SCHIP1: variants seen among roughly 807,000 people sequenced by gnomAD.
SCHIP1 encodes the protein schwannomin-interacting protein 1.
In SCHIP1, 8 loss-of-function variants were observed where a neutral mutation model predicts 29.7. That is an observed-to-expected ratio of 0.27 (90% CI 0.16 to 0.49). The LOEUF is 0.49. Ranked by LOEUF, SCHIP1 falls within the 20% of genes least tolerant of loss-of-function variation. SCHIP1 has a pLI of 0.99. For synonymous variants in SCHIP1, 76 were observed against 94.9 expected, an observed-to-expected ratio of 0.80 and a Z score of 1.16; for missense variants, 193 against 294.6, an observed-to-expected ratio of 0.66 and a Z score of 2.52.
chr3:159,422,109 G>C, the SCHIP1 span, among the ~76,000 whole-genome samples: 4 of 152,288 alleles, frequency 2.6e-5, no homozygotes, highest in Non-Finnish European at 4.4e-5. Flanking sequence ...TCCTCTGTAA[G>C]GGAAAACATT....
At chr3:159,378,987 A>G in the SCHIP1 span, among the ~76,000 whole-genome samples, 1,358 of 152,320 alleles carry the variant, frequency 8.9e-3, 17 homozygotes, top group African/African-American at 0.031. Flanking sequence ...GCCAGTGGAC[A>G]ATGGAGGCTT....
chr3:159,670,499 A>G, the SCHIP1 span, among the ~76,000 whole-genome samples: 1 of 152,234 alleles, frequency 6.6e-6, no homozygotes, highest in African/African-American at 2.4e-5. Flanking sequence ...CCGAAATTCA[A>G]TCTGAGGGTA....
chr3:159,498,242 T>A, the SCHIP1 span, among the ~76,000 whole-genome samples: 8 of 152,318 alleles, frequency 5.3e-5, no homozygotes, highest in South Asian at 4.1e-4. Flanking sequence ...TTTATATAAT[T>A]ACTTCAGAAC....
At chr3:159,445,509 C>T in the SCHIP1 span, among the ~76,000 whole-genome samples, 1 of 151,876 alleles carries the variant, frequency 6.6e-6, no homozygotes, top group Non-Finnish European at 1.5e-5. Context: ...CCATTTGACC[C>T]AGCCATCCCA....
the SCHIP1 span, among the ~76,000 whole-genome samples, chr3:159,614,426 G>A: frequency 6.6e-6 from 1 of 152,076 alleles, no homozygotes; most frequent in African/African-American, 2.4e-5. Context: ...AGAATTCAGT[G>A]TACCTTAAGA....
chr3:159,861,179 G>A lies in SCHIP1; in HGVS notation c.31-4984G>A, dbSNP rs1044095529. Among the ~76,000 whole-genome samples the A allele has an allele frequency of 1.3e-5, 2 of 152,138 alleles. No individual in the cohort carries two copies. The highest frequency in any genetic ancestry group is 2.9e-5 in the Non-Finnish European group (2 of 68,028). On this transcript the variant is annotated intron_variant, in intron 1 of 6. Coordinates refer to ENST00000445224, the Ensembl canonical transcript of SCHIP1. The surrounding 1 kb of genome is among the most constrained non-coding windows in gnomAD (Gnocchi z 4.1). The stretch of plus-strand genomic sequence containing the variant: ...CATGCTGAAGGCTTCTTGCTTCAGA[G>A]ACACCACAATGCTGCTAGTAAGGTG...
chr3:159,429,380 G>T, the SCHIP1 span, among the ~76,000 whole-genome samples: 2 of 151,998 alleles, frequency 1.3e-5, no homozygotes, highest in South Asian at 4.2e-4. Context: ...GATGAGGTGG[G>T]GGTAAATCTT....
At chr3:159,663,009 ATGTGTG>A in the SCHIP1 span, among the ~76,000 whole-genome samples, 1 of 152,072 alleles carries the variant, frequency 6.6e-6, no homozygotes, top group Non-Finnish European at 1.5e-5. Flanking sequence ...GTTCTGGGGG[ATGTGTG>A]TCTTGGGTAG....
the SCHIP1 span, among the ~76,000 whole-genome samples, chr3:159,335,159 C>A: frequency 6.6e-6 from 1 of 152,018 alleles, no homozygotes; most frequent in African/African-American, 2.4e-5. Flanking sequence ...CCTGGCCTCC[C>A]AAATGTTTTC....
chr3:159,451,713 G>C, the SCHIP1 span, among the ~76,000 whole-genome samples: 1 of 152,142 alleles, frequency 6.6e-6, no homozygotes, highest in Non-Finnish European at 1.5e-5. Context: ...AAATATAACT[G>C]TCTCTGCCCT....
chr3:159,644,965 T>TA, the SCHIP1 span, among the ~76,000 whole-genome samples: 1 of 152,118 alleles, frequency 6.6e-6, no homozygotes, highest in Non-Finnish European at 1.5e-5. Flanking sequence ...TAAATATTGA[T>TA]ACACCTTGAT....
At chr3:159,310,418 A>C in the SCHIP1 span, among the ~76,000 whole-genome samples, 1 of 152,014 alleles carries the variant, frequency 6.6e-6, no homozygotes, top group South Asian at 2.1e-4. Context: ...TTTGTTCCTC[A>C]TTAGGGTGCA....
chr3:159,397,372 A>G, the SCHIP1 span, among the ~76,000 whole-genome samples: 67 of 152,330 alleles, frequency 4.4e-4, 1 homozygote, highest in Non-Finnish European at 5.9e-4. Context: ...GAGGAACTGC[A>G]TTCCTTTGGA....
At chr3:159,429,224 GAAAA>G in the SCHIP1 span, among the ~76,000 whole-genome samples, 1 of 141,828 alleles carries the variant, frequency 7.1e-6, no homozygotes, top group Non-Finnish European at 1.5e-5. Context: ...AATGACATAA[GAAAA>G]AAAAAAAAAG....
At chr3:159,727,111 A>G in the SCHIP1 span, among the ~76,000 whole-genome samples, 1 of 152,192 alleles carries the variant, frequency 6.6e-6, no homozygotes, top group Non-Finnish European at 1.5e-5. Context: ...TCCAAAATAT[A>G]TTTTTTAAAC....
chr3:159,620,224 T>TA, the SCHIP1 span, among the ~76,000 whole-genome samples: 1 of 152,164 alleles, frequency 6.6e-6, no homozygotes, highest in Non-Finnish European at 1.5e-5. Flanking sequence ...AAGGGCCCTA[T>TA]AAAAAAATGT....
At chr3:159,593,807 C>A in the SCHIP1 span, among the ~76,000 whole-genome samples, 38 of 152,340 alleles carry the variant, frequency 2.5e-4, no homozygotes, top group African/African-American at 8.7e-4. Flanking sequence ...AGAGAATTTG[C>A]ATAGATCATG....
chr3:159,506,256 C>A, the SCHIP1 span, among the ~76,000 whole-genome samples: 1 of 152,240 alleles, frequency 6.6e-6, no homozygotes, highest in African/African-American at 2.4e-5. Context: ...CTTTTGGCTG[C>A]ATAAATGTCT....
the SCHIP1 span, among the ~76,000 whole-genome samples, chr3:159,665,082 G>T: frequency 6.6e-6 from 1 of 152,182 alleles, no homozygotes; most frequent in Non-Finnish European, 1.5e-5. Context: ...AGACATCTGA[G>T]CTCCACCCAA....
Sources: gnomAD v4.1 joint callset for allele counts (sites outside exome capture counted in the v4.1 genomes callset) on GRCh38, gnomAD v4.1.1 for gene constraint, Gnocchi (gnomAD v3.1) non-coding constraint, MANE v1.5 for transcripts, NCBI Gene and HGNC (gene_info 2026-07-23, HGNC 2026-07-21) for gene names.